The following ELF1 variants were observed in gnomAD, a reference collection of about 807,000 sequenced individuals.
ELF1 encodes ETS-related transcription factor Elf-1.
A neutral mutation model predicts 59.9 loss-of-function variants in ELF1; 24 were observed. That is an observed-to-expected ratio of 0.40 (90% CI 0.29 to 0.56). ELF1 has a LOEUF of 0.56. Ranked by LOEUF, ELF1 falls within the 20% of genes least tolerant of loss-of-function variation. The pLI, the probability that ELF1 is intolerant of heterozygous loss-of-function variation, is 0.44. For synonymous variants in ELF1, 248 were observed against 266.2 expected, an observed-to-expected ratio of 0.93 and a Z score of 0.67; for missense variants, 627 against 742.2, an observed-to-expected ratio of 0.84 and a Z score of 1.80.
At position 41,035,844 on chromosome 13, in the gene ELF1, AAAC is replaced by A. The variant is rs1165440085; in HGVS notation, c.-229+24991_-229+24993del. ...TTAACACAACTTCTTGTTAAAAAAAAAACAACAACAACAACAACAACAACAAAA... is the reference window on the plus strand; with the variant it reads ...TTAACACAACTTCTTGTTAAAAAAAAAACAACAACAACAACAACAACAAAA... On this transcript the variant is annotated intron_variant, in intron 1 of 1. Transcript: ENST00000405737. 8.7e-3 allele frequency among the ~76,000 whole-genome samples: 1,295 copies of A among 148,704 alleles called. 21 individuals are homozygous for A. Among genetic ancestry groups the A allele is most frequent in the African/African-American group, 0.03 (1,220 of 40,782 alleles).
chr13:41,058,757 G>A (rs1244544178), intron 1 of ELF1, among the ~76,000 whole-genome samples: 1 of 152,216 alleles, frequency 6.6e-6, no homozygotes, highest in South Asian at 2.1e-4. Context: ...TGGATCACCT[G>A]AGGTCAGGGG....
At chr13:41,043,269 A>G (rs1361006185) in intron 1 of ELF1, among the ~76,000 whole-genome samples, 1 of 152,118 alleles carries the variant, frequency 6.6e-6, no homozygotes, top group Non-Finnish European at 1.5e-5. Flanking sequence ...GTTCACTCTG[A>G]TGGTAGTTTC....
At chr13:41,010,569 A>G (rs1157236279) in intron 1 of ELF1, among the ~76,000 whole-genome samples, 1 of 150,736 alleles carries the variant, frequency 6.6e-6, no homozygotes, top group African/African-American at 2.4e-5. Context: ...TAGTTTATCT[A>G]TGTTTCTCTA....
At chr13:41,050,180 AC>A (rs1372884130) in intron 1 of ELF1, among the ~76,000 whole-genome samples, 1 of 151,582 alleles carries the variant, frequency 6.6e-6, no homozygotes, top group African/African-American at 2.4e-5. Context: ...TTTCTCCCTT[AC>A]CCCCAGTTCC....
intron 1 of ELF1, among the ~76,000 whole-genome samples, chr13:41,054,472 C>A (rs995725026): frequency 1.3e-5 from 2 of 152,156 alleles, no homozygotes; most frequent in African/African-American, 2.4e-5. Flanking sequence ...AGTTCGAAAG[C>A]CACAGACACA....
At chr13:41,021,822 T>C (rs1311000822), upstream of ELF1, among the ~76,000 whole-genome samples, 2 of 152,126 alleles carry the variant, frequency 1.3e-5, no homozygotes, top group Admixed American at 6.6e-5. Context: ...AAAAAGTACA[T>C]GAAAATATCT....
At chr13:41,006,877 G>C (rs890032152) in intron 1 of ELF1, among the ~76,000 whole-genome samples, 1 of 151,916 alleles carries the variant, frequency 6.6e-6, no homozygotes, top group South Asian at 2.1e-4. Flanking sequence ...CGTACATTTT[G>C]TATAGTATAT....
chr13:41,008,571 TA>T (rs530475968), intron 1 of ELF1, among the ~76,000 whole-genome samples: 653 of 144,828 alleles, frequency 4.5e-3, no homozygotes, highest in Non-Finnish European at 4.2e-3. Context: ...TTGCTTAGGT[TA>T]AAAAAAAAAA....
At chr13:41,007,329 G>C (rs1442204600) in intron 1 of ELF1, among the ~76,000 whole-genome samples, 5 of 152,026 alleles carry the variant, frequency 3.3e-5, no homozygotes, top group African/African-American at 4.8e-5. Flanking sequence ...TTTCAATTAA[G>C]AAGAACACAA....
At chr13:41,015,111 T>C (rs749593658) in intron 1 of ELF1, among the ~76,000 whole-genome samples, 25 of 151,996 alleles carry the variant, frequency 1.6e-4, no homozygotes, top group Admixed American at 2.0e-4. Context: ...AAGGGGGTGT[T>C]TTTCCTAAAG....
intron 8 of ELF1, 53 bp from the exon 9 acceptor site, chr13:40,934,081 A>C: frequency 6.5e-7 from 1 of 1,546,052 alleles, no homozygotes; most frequent in Middle Eastern, 1.7e-4. Context: ...TACATCATTT[A>C]AAACTTTAAC....
intron 1 of ELF1, among the ~76,000 whole-genome samples, chr13:40,990,074 G>A (rs1404731358): frequency 6.6e-6 from 1 of 151,994 alleles, no homozygotes; most frequent in East Asian, 1.9e-4. Context: ...ATACACATTC[G>A]ATACATAATT....
At chr13:41,015,189 G>A (rs571724561) in intron 1 of ELF1, among the ~76,000 whole-genome samples, 1 of 152,092 alleles carries the variant, frequency 6.6e-6, no homozygotes, top group South Asian at 2.1e-4. Flanking sequence ...ACTAACACTG[G>A]AAGAGTTCAC....
intron 2 of ELF1, among the ~76,000 whole-genome samples, chr13:40,974,279 C>T (rs1162311024): frequency 6.6e-6 from 1 of 152,100 alleles, no homozygotes; most frequent in East Asian, 1.9e-4. Context: ...AAATTAGTAA[C>T]ACTTTTTTGC....
At chr13:41,037,524 C>T (rs142708121) in intron 1 of ELF1, among the ~76,000 whole-genome samples, 3 of 152,278 alleles carry the variant, frequency 2.0e-5, no homozygotes, top group Non-Finnish European at 2.9e-5. Context: ...AGGCTGGGCA[C>T]GGTGGCTCAT....
chr13:40,958,707 G>T, intron 3 of ELF1, 129 bp downstream of exon 3: 1 of 1,263,098 alleles, frequency 7.9e-7, no homozygotes, highest in Non-Finnish European at 1.0e-6. Context: ...TCCATGTAGG[G>T]CTGTAGTTTC....
chr13:40,987,606 A>G (rs944485011), intron 1 of ELF1, among the ~76,000 whole-genome samples: 1 of 147,606 alleles, frequency 6.8e-6, no homozygotes, highest in Non-Finnish European at 1.5e-5. Flanking sequence ...AAAAAAAAAG[A>G]AAGAAAATTA....
intron 1 of ELF1, among the ~76,000 whole-genome samples, chr13:41,041,010 T>C (rs1876583881): frequency 6.6e-6 from 1 of 152,162 alleles, no homozygotes; most frequent in Admixed American, 6.6e-5. Context: ...TGATTGGGGA[T>C]GGCCTTTCTG....
At chr13:41,026,354 C>A (rs1875909059) in intron 1 of ELF1, among the ~76,000 whole-genome samples, 1 of 152,154 alleles carries the variant, frequency 6.6e-6, no homozygotes, top group South Asian at 2.1e-4. Flanking sequence ...GCAACACATT[C>A]CTCATTTGAG....
Sources: gnomAD v4.1 joint callset for allele counts (sites outside exome capture counted in the v4.1 genomes callset) on GRCh38, gnomAD v4.1.1 for gene constraint, MANE v1.5 for transcripts, NCBI Gene and HGNC (gene_info 2026-07-23, HGNC 2026-07-21) for gene names.